Variants in SPON1 observed in about 807,000 individuals in gnomAD.
The protein encoded by SPON1 is spondin-1.
In SPON1, 52 loss-of-function variants were observed where a neutral mutation model predicts 111.7. That is an observed-to-expected ratio of 0.47 (90% CI 0.37 to 0.59). The LOEUF is 0.59. Among genes scored for constraint, SPON1 ranks in the 20% least tolerant of loss-of-function variants. The pLI is 0.00. For synonymous variants in SPON1, 410 were observed against 395.8 expected, an observed-to-expected ratio of 1.04 and a Z score of -0.43; for missense variants, 957 against 1,068.5, an observed-to-expected ratio of 0.90 and a Z score of 1.46.
At chr11:14,181,139 A>G (rs782318368) in intron 6 of SPON1, among the ~76,000 whole-genome samples, 1 of 152,238 alleles carries the variant, frequency 6.6e-6, no homozygotes, top group Non-Finnish European at 1.5e-5. Context: ...ATTTCTGTCC[A>G]AAGGCTGATT....
At chr11:14,018,870 A>C (rs961357024) in intron 2 of SPON1, among the ~76,000 whole-genome samples, 37 of 152,352 alleles carry the variant, frequency 2.4e-4, no homozygotes, top group African/African-American at 8.2e-4. Flanking sequence ...GAAAAGAAGC[A>C]GCAGCTTAGT....
Position 14,135,222 on chromosome 11 carries a change from C to A in SPON1, c.677-198C>A. ...CGTCTTGTTCAACATCTGCTGTTGA[C>A]CTGTCTGTACATTCCCAAGACCTAT... On this transcript the variant is annotated intron_variant, in intron 5 of 15. Coordinates refer to ENST00000576479, the MANE Select transcript of SPON1 (RefSeq NM_006108.4). The surrounding 1 kb of genome is among the most constrained non-coding windows in gnomAD (Gnocchi z 4.4). 2.0e-6 allele frequency: 1 copy of A among 509,584 alleles called. No homozygotes were observed. Among genetic ancestry groups the A allele is most frequent in the Non-Finnish European group, 3.4e-6 (1 of 293,410 alleles). 31.6% of individuals were successfully genotyped at this position (509,584 alleles called of 1,614,324 possible).
At chr11:14,153,957 A>C (rs1332925844) in intron 6 of SPON1, among the ~76,000 whole-genome samples, 1 of 152,190 alleles carries the variant, frequency 6.6e-6, no homozygotes, top group African/African-American at 2.4e-5. Flanking sequence ...AAAGCTCCAA[A>C]ATAATCTCCT....
chr11:14,072,266 TG>T (rs1311644387), intron 3 of SPON1, among the ~76,000 whole-genome samples: 2 of 151,932 alleles, frequency 1.3e-5, no homozygotes, highest in African/African-American at 4.8e-5. Context: ...AAAGAGGAAA[TG>T]GGTTGCCTTA....
intron 5 of SPON1, among the ~76,000 whole-genome samples, chr11:14,119,406 T>C (rs1554926286): frequency 6.6e-6 from 1 of 152,184 alleles, no homozygotes; most frequent in African/African-American, 2.4e-5. Flanking sequence ...CAGAATTTTC[T>C]ACTAGCACCC....
chr11:14,020,784 G>A (rs531665919), intron 2 of SPON1, among the ~76,000 whole-genome samples: 1 of 152,270 alleles, frequency 6.6e-6, no homozygotes, highest in African/African-American at 2.4e-5. Context: ...CCACAGCCAG[G>A]GTTTAAATTC....
chr11:14,038,179 A>AT (rs1367222734), intron 2 of SPON1, among the ~76,000 whole-genome samples: 1 of 146,870 alleles, frequency 6.8e-6, no homozygotes, highest in Non-Finnish European at 1.5e-5. Flanking sequence ...AAATAAATAA[A>AT]TAACGACTGG....
At chr11:14,039,356 T>C (rs1456526690) in intron 2 of SPON1, among the ~76,000 whole-genome samples, 1 of 152,180 alleles carries the variant, frequency 6.6e-6, no homozygotes, top group Non-Finnish European at 1.5e-5. Context: ...GATATGTTAA[T>C]ATAGGCTCAT....
intron 6 of SPON1, among the ~76,000 whole-genome samples, chr11:14,200,217 A>T (rs1354199031): frequency 6.6e-6 from 1 of 152,184 alleles, no homozygotes; most frequent in Non-Finnish European, 1.5e-5. Flanking sequence ...TCAAGTTTAT[A>T]GCTTGTCTTG....
At chr11:14,026,060 C>T (rs1260054344) in intron 2 of SPON1, among the ~76,000 whole-genome samples, 11 of 152,330 alleles carry the variant, frequency 7.2e-5, no homozygotes, top group African/African-American at 2.6e-4. Context: ...CACTGCTTCT[C>T]TGCAAGGCAG....
intron 5 of SPON1, among the ~76,000 whole-genome samples, chr11:14,134,042 C>T (rs200062648): frequency 7.0e-5 from 10 of 142,022 alleles, no homozygotes; most frequent in Non-Finnish European, 1.5e-4. Flanking sequence ...TTCTTTCTTT[C>T]TTTTTTTTTT....
At chr11:14,217,539 T>C (rs547955248) in intron 6 of SPON1, among the ~76,000 whole-genome samples, 1 of 152,328 alleles carries the variant, frequency 6.6e-6, no homozygotes, top group South Asian at 2.1e-4. Flanking sequence ...AAGGGTATTA[T>C]GACTGTAGAC....
Position 14,265,709 on chromosome 11 carries a change from G to T in SPON1, c.*22G>T. On this transcript the variant is annotated 3_prime_UTR_variant, in exon 16 of 16. Coordinates refer to ENST00000576479, the MANE Select transcript of SPON1 (RefSeq NM_006108.4). ...TTAGCAAGGGTACGAGTTCCCCAGG[G>T]CTGCACTCTAGATTCCAGAGTCACC... 6.2e-7 allele frequency: 1 copy of T among 1,609,178 alleles called. No individual in the cohort carries two copies.
At position 14,259,599 on chromosome 11, in the gene SPON1, G is replaced by A. The variant is rs782263836; in HGVS notation, c.1729G>A (p.Gly577Ser). 14 of 1,556,494 alleles carry A rather than the reference G, an allele frequency of 9.0e-6. No individual in the cohort carries two copies. Among genetic ancestry groups the A allele is most frequent in the Admixed American group, 1.9e-5 (1 of 51,368 alleles). Residue 577 changes from glycine to serine, a missense_variant, in exon 13 of 16, where the codon GGC becomes AGC. Gly to Ser is a moderately conservative substitution (Grantham distance 56). Coordinates refer to ENST00000576479, the MANE Select transcript of SPON1 (RefSeq NM_006108.4). This position sits in a 1 kb window ranked among gnomAD's most constrained non-coding sequence, Gnocchi z 5.0. ...CGAGTGCAGCGCCACCTGCGGCATG[G>A]GCATGAAGAAGCGGCACCGCATGAT... Reference protein sequence around the residue: ...WDECSATCGMGMKKRHRMIKM... With the variant: ...WDECSATCGMSMKKRHRMIKM...
chr11:14,134,765 A>C (rs1176514144), intron 5 of SPON1, among the ~76,000 whole-genome samples: 1 of 152,210 alleles, frequency 6.6e-6, no homozygotes, highest in Non-Finnish European at 1.5e-5. Context: ...ATTCAAATGC[A>C]ATTATATCAC....
chr11:14,262,780 GTGA>G lies in SPON1; in HGVS notation c.2067_2069del (p.Ile690del). The G allele has an allele frequency of 6.2e-7, 1 of 1,613,960 alleles. No homozygotes were observed. The highest frequency in any genetic ancestry group is 1.1e-5 in the South Asian group (1 of 91,062). On this transcript the variant is annotated inframe_deletion, in exon 15 of 16. Coordinates refer to ENST00000576479, the MANE Select transcript of SPON1 (RefSeq NM_006108.4). ...TAACAAGTCATGTGGGAAAGGCCAC[GTGA>G]TTCGAACCCGGATGATCCAAATGGA...
At chr11:14,184,678 C>T (rs552422019) in intron 6 of SPON1, among the ~76,000 whole-genome samples, 1 of 152,304 alleles carries the variant, frequency 6.6e-6, no homozygotes, top group Admixed American at 6.5e-5. Context: ...CTTGGCTTTC[C>T]CCATAACTAC....
intron 6 of SPON1, among the ~76,000 whole-genome samples, chr11:14,157,460 A>AT (rs1466088376): frequency 6.6e-6 from 1 of 151,600 alleles, no homozygotes; most frequent in African/African-American, 2.4e-5. Context: ...TGCTTTTAAG[A>AT]TTTTGTCTTT....
At position 14,265,842 on chromosome 11, in the gene SPON1, T is replaced by C; in HGVS notation, c.*155T>C. The C allele has an allele frequency of 2.4e-6, 2 of 840,218 alleles. No homozygotes were observed. The highest frequency in any genetic ancestry group is 3.6e-6 in the Non-Finnish European group (2 of 553,330). 52.0% of individuals were successfully genotyped at this position (840,218 alleles called of 1,614,324 possible). ...TCTTGTGGATGCCAGAGACATCCTT[T>C]CTGAATACTTCTTGATGGGTACAGG... On this transcript the variant is annotated 3_prime_UTR_variant, in exon 16 of 16. Transcript: ENST00000576479.
Sources: gnomAD v4.1 joint callset for allele counts (sites outside exome capture counted in the v4.1 genomes callset) on GRCh38, gnomAD v4.1.1 for gene constraint, Gnocchi (gnomAD v3.1) non-coding constraint, MANE v1.5 for transcripts, NCBI Gene and HGNC (gene_info 2026-07-23, HGNC 2026-07-21) for gene names.